Variants in OTUD5 observed in about 807,000 individuals in gnomAD.
OTUD5 encodes the protein OTU deubiquitinase 5.
Under a neutral mutation model 36.3 loss-of-function variants are expected in OTUD5, and 2 were observed. That is an observed-to-expected ratio of 0.06 (90% confidence interval 0.02 to 0.17). OTUD5 has a LOEUF of 0.17. OTUD5 is among the 10% of genes least tolerant of loss of function. The probability of loss-of-function intolerance (pLI) is 1.00; values close to 1 mark genes in which losing one functional copy is unlikely to be tolerated. For missense variants in OTUD5, 233 were observed against 512.3 expected, an observed-to-expected ratio of 0.45 and a Z score of 5.26; for synonymous variants, 234 against 214.9, an observed-to-expected ratio of 1.09 and a Z score of -0.78.
At chrX:48,937,240 C>CCTTT (rs1557050165) in intron 2 of OTUD5, among the ~76,000 whole-genome samples, 1 of 112,045 alleles carries the variant, frequency 8.9e-6, no homozygotes, top group African/African-American at 3.2e-5. Flanking sequence ...CCTGCTGCTG[C>CCTTT]CTTTCTTAGA....
rs782412321 is a variant in OTUD5, at chrX:48,925,606, A to T, written c.1263+241T>A. Among the ~76,000 whole-genome samples the T allele has an allele frequency of 6.2e-5, 7 of 112,488 alleles. No individual in the cohort carries two copies. The South Asian group carries it at 2.2e-3, about 35-fold the overall frequency. On this transcript the variant is annotated intron_variant, in intron 6 of 8. Coordinates refer to ENST00000376488, the MANE Select transcript of OTUD5 (RefSeq NM_001136157.2). ...GCTTGTGTCTCTGAAGCTATCCATT[A>T]TTCTCGTGTCACCAGCAGCATGGCT...
chrX:48,932,245 GTAT>G (rs1337231028), intron 5 of OTUD5, among the ~76,000 whole-genome samples: 2 of 109,894 alleles, frequency 1.8e-5, no homozygotes, highest in Non-Finnish European at 3.8e-5. Flanking sequence ...TGGGAATTCT[GTAT>G]TATCTCCTCA....
chrX:48,957,379 C>A lies in OTUD5; in HGVS notation c.192G>T (p.Ser64=). 1 of 1,115,259 alleles carries A rather than the reference C, an allele frequency of 9.0e-7. No homozygotes were observed. The highest frequency in any genetic ancestry group is 1.2e-6 in the Non-Finnish European group (1 of 855,614). 91.9% of individuals were successfully genotyped at this position (1,115,259 alleles called of 1,213,427 possible). The change falls in exon 1 of 9, where the codon TCG becomes TCT. Residue 64 remains serine (S), a synonymous_variant. Transcript: ENST00000376488. ...SGVVGARPRA[S]PPPQGPLPGP... ...CTGGTAGCGGGCCTTGAGGCGGTGGCGAAGCTCGCGGACGGGCCCCCACGA... is the reference window on the plus strand; with the variant it reads ...CTGGTAGCGGGCCTTGAGGCGGTGGAGAAGCTCGCGGACGGGCCCCCACGA...
Position 48,923,115 on chromosome X carries a change from T to C in OTUD5, c.*59A>G. On this transcript the variant is annotated 3_prime_UTR_variant, in exon 9 of 9. Transcript: ENST00000376488. Reference sequence around the variant, plus strand: ...AGGGAAGAAGCCAAAGAAGGTGAGGTGGCACCGGAGAGCAGGAGTACTGGG... The same window carrying C: ...AGGGAAGAAGCCAAAGAAGGTGAGGCGGCACCGGAGAGCAGGAGTACTGGG... 1 of 1,205,619 alleles carries C rather than the reference T, an allele frequency of 8.3e-7. No homozygotes were observed. Among genetic ancestry groups the C allele is most frequent in the Non-Finnish European group, 1.1e-6 (1 of 892,047 alleles).
intron 5 of OTUD5, among the ~76,000 whole-genome samples, chrX:48,933,328 C>T (rs966133416): frequency 1.9e-4 from 21 of 110,812 alleles, no homozygotes; most frequent in Admixed American, 1.9e-4. Flanking sequence ...AATAATATGT[C>T]GATATTGGCT....
chrX:48,955,759 T>C (rs1244917365), intron 1 of OTUD5, among the ~76,000 whole-genome samples: 1 of 111,018 alleles, frequency 9.0e-6, no homozygotes, highest in African/African-American at 3.3e-5. Flanking sequence ...GAGGGGAAAA[T>C]GGGATACTGT....
chrX:48,950,134 CAAAAAA>C (rs782788886), intron 1 of OTUD5, among the ~76,000 whole-genome samples: 6 of 47,146 alleles, frequency 1.3e-4, no homozygotes, highest in African/African-American at 4.3e-4. Context: ...GATTCCACCT[CAAAAAA>C]AAAAAAAAAA....
At chrX:48,925,278 CAAAAA>C (rs781953573) in intron 6 of OTUD5, among the ~76,000 whole-genome samples, 6 of 39,253 alleles carry the variant, frequency 1.5e-4, no homozygotes, top group South Asian at 1.6e-3. Flanking sequence ...ACTCTGTCTC[CAAAAA>C]AAAAAAAAAA....
At chrX:48,944,414 G>A in intron 1 of OTUD5, 131 bp from the exon 2 acceptor site, 3 of 468,930 alleles carry the variant, frequency 6.4e-6, no homozygotes, top group South Asian at 3.0e-5. Flanking sequence ...TCTCAGCCCT[G>A]TTTGACCACT....
In OTUD5 at chrX:48,927,038, G is replaced by A. The variant is rs1443223445; in HGVS notation, c.1060-988C>T. 6.2e-5 allele frequency among the ~76,000 whole-genome samples: 7 copies of A among 112,047 alleles called. No homozygotes were observed. The Admixed American group carries it at 6.6e-4, about 11-fold the overall frequency. ...TCACACACAAATGCATATATGCTAAGTAATCATGTAAAATGTATTCTTTTC... is the reference window on the plus strand; with the variant it reads ...TCACACACAAATGCATATATGCTAAATAATCATGTAAAATGTATTCTTTTC... On this transcript the variant is annotated intron_variant, in intron 5 of 8. Transcript: ENST00000376488.
chrX:48,948,843 A>G (rs1335699596), intron 1 of OTUD5, among the ~76,000 whole-genome samples: 5 of 111,942 alleles, frequency 4.5e-5, no homozygotes, highest in Admixed American at 9.5e-5. Context: ...AAATCCCTCC[A>G]TATCTTTGAG....
In OTUD5 at chrX:48,922,514, G is replaced by A. The variant is rs2063597450; in HGVS notation, c.*660C>T. 3.8e-5 allele frequency: 29 copies of A among 754,812 alleles called. No homozygotes were observed. The highest frequency in any genetic ancestry group is 4.4e-5 in the Non-Finnish European group (28 of 639,341). The allele number at this position is 754,812 out of a possible 1,213,427, so 62.2% of individuals were successfully genotyped here. A position where few individuals can be genotyped will look rare whatever the true frequency, so the allele number is the denominator to read the frequency against. Reference sequence around the variant, plus strand: ...CTGGGCCGGCCTCCATGCAGCTGGAGGCCAGAAGACAGCAACCCATATCTT... The same window carrying A: ...CTGGGCCGGCCTCCATGCAGCTGGAAGCCAGAAGACAGCAACCCATATCTT... On this transcript the variant is annotated 3_prime_UTR_variant, in exon 9 of 9. Coordinates refer to ENST00000376488, the MANE Select transcript of OTUD5 (RefSeq NM_001136157.2).
chrX:48,945,267 T>C (rs1288071056), intron 1 of OTUD5, among the ~76,000 whole-genome samples: 2 of 69,867 alleles, frequency 2.9e-5, no homozygotes, highest in Non-Finnish European at 5.2e-5. Context: ...AAATCAAGTC[T>C]TTTTTTTTTT....
chrX:48,937,978 G>A (rs1393191223), intron 2 of OTUD5, among the ~76,000 whole-genome samples: 2 of 111,825 alleles, frequency 1.8e-5, no homozygotes, highest in Non-Finnish European at 3.8e-5. Context: ...GAAACCAAAG[G>A]TCCACAAGTC....
intron 1 of OTUD5, among the ~76,000 whole-genome samples, chrX:48,956,400 AG>A (rs2064240770): frequency 9.0e-6 from 1 of 111,343 alleles, no homozygotes; most frequent in African/African-American, 3.3e-5. Flanking sequence ...TTGAGGTCTC[AG>A]GTCTGGCTAT....
chrX:48,934,247 T>C (rs1432274636), intron 5 of OTUD5, among the ~76,000 whole-genome samples: 1 of 110,163 alleles, frequency 9.1e-6, no homozygotes, highest in East Asian at 2.8e-4. Context: ...GCACAAAAGA[T>C]AGGTAAGCCA....
intron 1 of OTUD5, among the ~76,000 whole-genome samples, chrX:48,956,759 G>A (rs1459924404): frequency 1.8e-5 from 2 of 111,139 alleles, no homozygotes; most frequent in Non-Finnish European, 3.8e-5. Flanking sequence ...AGAGACCTCG[G>A]ATCTTTAAGT....
Position 48,929,843 on chromosome X carries a change from C to T in OTUD5, c.1060-3793G>A, listed in dbSNP as rs2063724606. ...CCTTGGCCGGGCGCGGTGGCTCACG[C>T]CTGTAATCCCAGCACTTTGGGAGGC... On this transcript the variant is annotated intron_variant, in intron 5 of 8. Transcript: ENST00000376488. 2.7e-5 allele frequency among the ~76,000 whole-genome samples: 3 copies of T among 111,775 alleles called. No homozygotes were observed. In the Admixed American group the frequency reaches 2.8e-4, roughly 11 times the overall value.
chrX:48,937,106 C>T (rs782053069), intron 2 of OTUD5, among the ~76,000 whole-genome samples: 55 of 111,558 alleles, frequency 4.9e-4, no homozygotes, highest in Non-Finnish European at 9.4e-4. Context: ...GTTGTGAAGG[C>T]GGGAAGGGGG....
Sources: gnomAD v4.1 joint callset for allele counts (sites outside exome capture counted in the v4.1 genomes callset) on GRCh38, gnomAD v4.1.1 for gene constraint, MANE v1.5 for transcripts, NCBI Gene and HGNC (gene_info 2026-07-23, HGNC 2026-07-21) for gene names.